Variants in MARCHF1 observed in about 807,000 individuals in gnomAD.
MARCHF1 encodes E3 ubiquitin-protein ligase MARCHF1.
Under a neutral mutation model 54.2 loss-of-function variants are expected in MARCHF1, and 40 were observed. That is an observed-to-expected ratio of 0.74 (90% CI 0.57 to 0.96). The LOEUF is 0.96. MARCHF1 is among the 40% of genes least tolerant of loss of function. The probability of loss-of-function intolerance (pLI) is 0.00; values close to 1 mark genes in which losing one functional copy is unlikely to be tolerated. For synonymous variants in MARCHF1, 236 were observed against 236.3 expected, an observed-to-expected ratio of 1.00 and a Z score of 0.01; for missense variants, 586 against 656.5, an observed-to-expected ratio of 0.89 and a Z score of 1.17.
At chr4:163,752,826 T>C (rs1051214274) in intron 4 of MARCHF1, among the ~76,000 whole-genome samples, 1 of 152,230 alleles carries the variant, frequency 6.6e-6, no homozygotes, top group African/African-American at 2.4e-5. Context: ...TCCCACTATG[T>C]TGTTGAAAAC....
intron 1 of MARCHF1, among the ~76,000 whole-genome samples, chr4:164,147,114 C>T (rs62350044): frequency 6.6e-6 from 1 of 151,830 alleles, no homozygotes; most frequent in Admixed American, 6.6e-5. Flanking sequence ...CAAATCAAAA[C>T]CACTATGAGA....
chr4:163,930,675 G>T (rs11933992), intron 3 of MARCHF1, among the ~76,000 whole-genome samples: 3 of 152,092 alleles, frequency 2.0e-5, no homozygotes, highest in Non-Finnish European at 4.4e-5. Flanking sequence ...TTTTGCCTTA[G>T]ATAAATCACA....
At chr4:163,994,919 C>T (rs1753044581) in intron 2 of MARCHF1, among the ~76,000 whole-genome samples, 1 of 152,034 alleles carries the variant, frequency 6.6e-6, no homozygotes, top group South Asian at 2.1e-4. Flanking sequence ...GAAAAACACC[C>T]TCAAACTGTG....
intron 3 of MARCHF1, among the ~76,000 whole-genome samples, chr4:163,859,115 C>T (rs1749850560): frequency 1.3e-5 from 2 of 152,136 alleles, no homozygotes; most frequent in Non-Finnish European, 1.5e-5. Flanking sequence ...ATAATCATGA[C>T]TTGTAATGAA....
chr4:164,118,051 G>C (rs1003665184), intron 1 of MARCHF1, among the ~76,000 whole-genome samples: 4 of 151,820 alleles, frequency 2.6e-5, no homozygotes, highest in African/African-American at 9.7e-5. Context: ...GAAAAAGAAA[G>C]TTTAAGCAAA....
intron 3 of MARCHF1, among the ~76,000 whole-genome samples, chr4:163,905,649 C>T (rs1183384161): frequency 4.6e-5 from 7 of 152,026 alleles, no homozygotes; most frequent in African/African-American, 1.7e-4. Context: ...CTTTGAGATG[C>T]TATAATCCAG....
In MARCHF1 at chr4:164,124,783, A is replaced by G. The variant is rs1756145212; in HGVS notation, c.-322-13121T>C. Among the ~76,000 whole-genome samples, 5 of 152,258 alleles carry G rather than the reference A, an allele frequency of 3.3e-5. No individual in the cohort carries two copies. The South Asian group carries it at 1.0e-3, about 32-fold the overall frequency. Reference sequence around the variant, plus strand: ...AGGATTGTTACCAATGCCAGGAAGGATAGTGGAGGGTGGAGGGTAAGTGGG... The same window carrying G: ...AGGATTGTTACCAATGCCAGGAAGGGTAGTGGAGGGTGGAGGGTAAGTGGG... On this transcript the variant is annotated intron_variant, in intron 1 of 9. Transcript: ENST00000514618.
chr4:163,911,977 A>G (rs1489664083), intron 3 of MARCHF1, among the ~76,000 whole-genome samples: 1 of 152,180 alleles, frequency 6.6e-6, no homozygotes, highest in Non-Finnish European at 1.5e-5. Context: ...GAACGATTTA[A>G]TCAAGAGAGA....
At chr4:163,633,142 G>C (rs1489146865) in intron 5 of MARCHF1, among the ~76,000 whole-genome samples, 1 of 152,090 alleles carries the variant, frequency 6.6e-6, no homozygotes, top group Non-Finnish European at 1.5e-5. Context: ...CACAAAGATG[G>C]GGAAAAAACA....
At chr4:164,130,778 T>C (rs1294817336) in intron 1 of MARCHF1, among the ~76,000 whole-genome samples, 1 of 152,156 alleles carries the variant, frequency 6.6e-6, no homozygotes, top group African/African-American at 2.4e-5. Context: ...GGTTCACTGT[T>C]TTGTCCAGTA....
At chr4:163,995,581 G>T (rs1159635091) in intron 2 of MARCHF1, among the ~76,000 whole-genome samples, 3 of 152,130 alleles carry the variant, frequency 2.0e-5, no homozygotes, top group African/African-American at 7.2e-5. Flanking sequence ...ATGCAAAAAA[G>T]ACATCACTTT....
intron 5 of MARCHF1, among the ~76,000 whole-genome samples, chr4:163,636,922 A>C (rs375322386): frequency 5.3e-5 from 8 of 152,360 alleles, no homozygotes; most frequent in Non-Finnish European, 1.0e-4. Context: ...AACAGGACAG[A>C]GCCCTCAGAA....
intron 2 of MARCHF1, among the ~76,000 whole-genome samples, chr4:164,073,503 G>A (rs866586717): frequency 3.3e-5 from 5 of 152,006 alleles, no homozygotes; most frequent in African/African-American, 1.2e-4. Context: ...TCAGGGAGTG[G>A]GGGGCAGGGG....
At chr4:164,292,767 A>G (rs1734315443) in intron 1 of MARCHF1, among the ~76,000 whole-genome samples, 1 of 152,234 alleles carries the variant, frequency 6.6e-6, no homozygotes, top group African/African-American at 2.4e-5. Context: ...ATAAATTCAC[A>G]TTAATATTAG....
chr4:163,986,249 C>CTTCTTTT (rs1752864721), intron 3 of MARCHF1, among the ~76,000 whole-genome samples: 1 of 28,832 alleles, frequency 3.5e-5, no homozygotes, highest in Admixed American at 5.6e-4. Context: ...TTAACCTCTT[C>CTTCTTTT]TTTTTTTTTT....
intron 4 of MARCHF1, among the ~76,000 whole-genome samples, chr4:163,701,287 C>T (rs1744802954): frequency 6.6e-6 from 1 of 152,136 alleles, no homozygotes; most frequent in African/African-American, 2.4e-5. Flanking sequence ...ATGCTATATA[C>T]ATCCACCTCG....
At chr4:164,153,790 AAAAC>A (rs1459227027) in intron 1 of MARCHF1, among the ~76,000 whole-genome samples, 1 of 152,166 alleles carries the variant, frequency 6.6e-6, no homozygotes, top group African/African-American at 2.4e-5. Context: ...TTATGCTTTT[AAAAC>A]AAATATGCTA....
At chr4:163,981,809 C>A (rs965909954) in intron 3 of MARCHF1, among the ~76,000 whole-genome samples, 7 of 152,320 alleles carry the variant, frequency 4.6e-5, no homozygotes, top group Admixed American at 3.3e-4. Flanking sequence ...CAAGACTCTT[C>A]CACATGAAGT....
chr4:164,053,585 C>A (rs183204834), intron 2 of MARCHF1, among the ~76,000 whole-genome samples: 225 of 152,256 alleles, frequency 1.5e-3, no homozygotes, highest in South Asian at 0.01. Flanking sequence ...CCTGAATTAG[C>A]CCTATTTCAG....
Sources: gnomAD v4.1 joint callset for allele counts (sites outside exome capture counted in the v4.1 genomes callset) on GRCh38, gnomAD v4.1.1 for gene constraint, MANE v1.5 for transcripts, NCBI Gene and HGNC (gene_info 2026-07-23, HGNC 2026-07-21) for gene names.